EPHA6: variants seen among roughly 807,000 people sequenced by gnomAD.
The protein encoded by EPHA6 is ephrin type-A receptor 6.
EPHA6 carries 50 observed loss-of-function variants against 112.0 expected under a neutral mutation model. That is an observed-to-expected ratio of 0.45 (90% CI 0.36 to 0.56). The LOEUF is 0.56. Among genes scored for constraint, EPHA6 ranks in the 20% least tolerant of loss-of-function variants. EPHA6 has a pLI of 0.00. For missense variants in EPHA6, 1,280 were observed against 1,417.4 expected, an observed-to-expected ratio of 0.90 and a Z score of 1.56; for synonymous variants, 529 against 490.7, an observed-to-expected ratio of 1.08 and a Z score of -1.03.
intron 6 of EPHA6, among the ~76,000 whole-genome samples, chr3:97,443,787 G>A (rs968502971): frequency 1.4e-4 from 22 of 152,028 alleles, no homozygotes; most frequent in African/African-American, 4.3e-4. Flanking sequence ...CTAATGATTA[G>A]CCAACAAATC....
chr3:97,200,390 A>G (rs1453651867), intron 3 of EPHA6, among the ~76,000 whole-genome samples: 1 of 152,056 alleles, frequency 6.6e-6, no homozygotes, highest in Admixed American at 6.6e-5. Flanking sequence ...CTTTTCATGT[A>G]TACCATAATG....
chr3:97,675,768 A>G (rs895811196), intron 14 of EPHA6, among the ~76,000 whole-genome samples: 1 of 152,220 alleles, frequency 6.6e-6, no homozygotes, highest in African/African-American at 2.4e-5. Flanking sequence ...TCTTACATCA[A>G]AAAATAGACT....
chr3:97,212,966 A>G (rs528852137), intron 3 of EPHA6, among the ~76,000 whole-genome samples: 1 of 152,344 alleles, frequency 6.6e-6, no homozygotes, highest in East Asian at 1.9e-4. Flanking sequence ...CCTCTTCTCT[A>G]CATAACCAGA....
chr3:97,647,526 A>AC (rs1243366294), intron 14 of EPHA6, among the ~76,000 whole-genome samples: 1 of 152,144 alleles, frequency 6.6e-6, no homozygotes, highest in Non-Finnish European at 1.5e-5. Flanking sequence ...TTAGATGAGA[A>AC]CTGAGGCCTT....
At chr3:96,943,691 A>C (rs897270765) in intron 2 of EPHA6, among the ~76,000 whole-genome samples, 2 of 152,194 alleles carry the variant, frequency 1.3e-5, no homozygotes, top group East Asian at 3.8e-4. Flanking sequence ...TTTATAATGA[A>C]AGCAAAGTTG....
At chr3:97,383,111 T>A (rs1184709142) in intron 5 of EPHA6, among the ~76,000 whole-genome samples, 1 of 151,884 alleles carries the variant, frequency 6.6e-6, no homozygotes, top group Admixed American at 6.6e-5. Context: ...GAGTTAGGAG[T>A]TGATTCTGTA....
At chr3:97,137,172 G>T (rs529432421) in intron 3 of EPHA6, among the ~76,000 whole-genome samples, 33 of 152,244 alleles carry the variant, frequency 2.2e-4, no homozygotes, top group Admixed American at 6.5e-4. Flanking sequence ...AGGTAGCAAA[G>T]ACTTGTCATT....
At chr3:96,921,566 A>G (rs1210749648) in intron 2 of EPHA6, among the ~76,000 whole-genome samples, 25 of 151,600 alleles carry the variant, frequency 1.6e-4, no homozygotes, top group Non-Finnish European at 2.9e-5. Context: ...GTTTTGAATT[A>G]TTTTAAATAC....
At chr3:97,106,515 C>T (rs2047574391) in intron 3 of EPHA6, among the ~76,000 whole-genome samples, 1 of 152,118 alleles carries the variant, frequency 6.6e-6, no homozygotes, top group Non-Finnish European at 1.5e-5. Context: ...CTTTCCTGCT[C>T]CATCCCCCTT....
chr3:97,741,866 G>A (rs1419133133), intron 16 of EPHA6, among the ~76,000 whole-genome samples: 1 of 152,082 alleles, frequency 6.6e-6, no homozygotes, highest in Non-Finnish European at 1.5e-5. Flanking sequence ...CTGGAGAGCA[G>A]CCTGTTATTT....
At chr3:97,394,764 G>C (rs80035313) in intron 5 of EPHA6, among the ~76,000 whole-genome samples, 9,858 of 151,698 alleles carry the variant, frequency 0.065, 443 homozygotes, top group African/African-American at 0.11. Flanking sequence ...TGATGAAAAA[G>C]ACAAAAAGTG....
chr3:97,545,072 T>A (rs1276634388), intron 11 of EPHA6, among the ~76,000 whole-genome samples: 11 of 152,224 alleles, frequency 7.2e-5, no homozygotes, highest in African/African-American at 2.4e-4. Context: ...CTTTCAGTTC[T>A]GCTCTGATCT....
At chr3:97,338,963 TCTA>T (rs1190151415) in intron 5 of EPHA6, among the ~76,000 whole-genome samples, 1 of 152,202 alleles carries the variant, frequency 6.6e-6, no homozygotes, top group Admixed American at 6.5e-5. Context: ...CCATCCAATC[TCTA>T]CTACTATATT....
At chr3:97,736,581 C>A (rs1006521749) in intron 16 of EPHA6, among the ~76,000 whole-genome samples, 2 of 150,844 alleles carry the variant, frequency 1.3e-5, no homozygotes, top group Non-Finnish European at 2.9e-5. Context: ...CAGACAGGGG[C>A]AATTTGTGAA....
At chr3:97,141,367 C>T (rs561002768) in intron 3 of EPHA6, among the ~76,000 whole-genome samples, 250 of 152,064 alleles carry the variant, frequency 1.6e-3, no homozygotes, top group Non-Finnish European at 2.9e-3. Context: ...ACCTATCAGC[C>T]GCAGAATATA....
chr3:97,647,222 C>A (rs1037286737), intron 14 of EPHA6, among the ~76,000 whole-genome samples: 9 of 151,998 alleles, frequency 5.9e-5, no homozygotes, highest in African/African-American at 2.2e-4. Context: ...CACCACCAAC[C>A]AAAAACAAAG....
At chr3:96,843,532 T>A (rs2034877957) in intron 1 of EPHA6, among the ~76,000 whole-genome samples, 1 of 152,042 alleles carries the variant, frequency 6.6e-6, no homozygotes, top group Non-Finnish European at 1.5e-5. Context: ...TGTGAGGGAA[T>A]TCAGTCAGCG....
chr3:97,737,476 T>C (rs553384301), intron 16 of EPHA6, among the ~76,000 whole-genome samples: 46 of 152,174 alleles, frequency 3.0e-4, no homozygotes, highest in South Asian at 6.2e-4. Flanking sequence ...TAACGTTTAT[T>C]ATTAGGAAAA....
intron 10 of EPHA6, among the ~76,000 whole-genome samples, chr3:97,488,853 T>A (rs2091763819): frequency 1.3e-5 from 2 of 152,228 alleles, no homozygotes; most frequent in African/African-American, 4.8e-5. Flanking sequence ...AACAACAGAT[T>A]TTGGCAAGGC....
Sources: gnomAD v4.1 joint callset for allele counts (sites outside exome capture counted in the v4.1 genomes callset) on GRCh38, gnomAD v4.1.1 for gene constraint, MANE v1.5 for transcripts, NCBI Gene and HGNC (gene_info 2026-07-23, HGNC 2026-07-21) for gene names.